Variants in KCNH1 observed in about 807,000 individuals in gnomAD.
KCNH1 encodes potassium voltage-gated channel subfamily H member 1, also known as voltage-gated delayed rectifier potassium channel KCNH1.
KCNH1 carries 27 observed loss-of-function variants against 69.2 expected under a neutral mutation model. That is an observed-to-expected ratio of 0.39 (90% CI 0.29 to 0.54). The LOEUF is 0.54. KCNH1 is among the 20% of genes least tolerant of loss of function. The pLI is 0.68. For missense variants in KCNH1, 798 were observed against 1,261.6 expected (o/e 0.63, Z 5.57); for synonymous variants, 456 against 487.7 (o/e 0.93, Z 0.86).
intron 7 of KCNH1, among the ~76,000 whole-genome samples, chr1:210,806,834 A>T (rs201135828): frequency 0.55 from 36,089 of 66,028 alleles, 9,842 homozygotes; most frequent in East Asian, 0.7. Context: ...AAAAAAAAAA[A>T]AAATATATAT....
intron 6 of KCNH1, among the ~76,000 whole-genome samples, chr1:210,955,205 T>C (rs1337134237): frequency 6.6e-6 from 1 of 152,152 alleles, no homozygotes; most frequent in African/African-American, 2.4e-5. Context: ...AAAGATCAGA[T>C]GGTTATAGAT....
intron 5 of KCNH1, among the ~76,000 whole-genome samples, chr1:211,065,606 A>G (rs1360333851): frequency 1.3e-5 from 2 of 152,218 alleles, no homozygotes; most frequent in Non-Finnish European, 2.9e-5. Context: ...TTGTATCCTT[A>G]AAAATTGCTG....
In KCNH1 at chr1:210,727,909, CAA is replaced by C. The variant is rs1424944256; in HGVS notation, c.2113-43773_2113-43772del. Among the ~76,000 whole-genome samples, 3 of 152,222 alleles carry C rather than the reference CAA, an allele frequency of 2.0e-5. No individual in the cohort carries two copies. In the East Asian group the frequency reaches 5.8e-4, roughly 29 times the overall value. ...CAAGGGATCTCAGTAATCCTCCAAA[CAA>C]AAGAGACTGATCTAAACTACAAAGC... On this transcript the variant is annotated intron_variant, in intron 10 of 10. Transcript: ENST00000271751.
chr1:211,048,782 A>G (rs1041509698), intron 5 of KCNH1, among the ~76,000 whole-genome samples: 1 of 152,162 alleles, frequency 6.6e-6, no homozygotes, highest in Non-Finnish European at 1.5e-5. Context: ...CTCAGAAATC[A>G]CCACTAAAGA....
intron 6 of KCNH1, among the ~76,000 whole-genome samples, chr1:210,940,920 A>C (rs1182063996): frequency 6.6e-6 from 1 of 152,192 alleles, no homozygotes; most frequent in Non-Finnish European, 1.5e-5. Context: ...CCACGCCCTT[A>C]ATTTGCTTTA....
chr1:211,026,471 G>T (rs1689687178), intron 5 of KCNH1, among the ~76,000 whole-genome samples: 1 of 151,310 alleles, frequency 6.6e-6, no homozygotes, highest in Non-Finnish European at 1.5e-5. Context: ...ACAGAAAGCT[G>T]TTAGATAATA....
chr1:210,765,162 A>C (rs1280980572), intron 10 of KCNH1, among the ~76,000 whole-genome samples: 1 of 152,196 alleles, frequency 6.6e-6, no homozygotes, highest in Non-Finnish European at 1.5e-5. Context: ...CATTGAGTAC[A>C]CATGGACACA....
intron 6 of KCNH1, among the ~76,000 whole-genome samples, chr1:210,997,294 A>C (rs1689068237): frequency 6.6e-6 from 1 of 152,356 alleles, no homozygotes; most frequent in African/African-American, 2.4e-5. Context: ...AAACTAGAAT[A>C]ACCAACGCAG....
chr1:210,998,289 T>C (rs1344144957), intron 6 of KCNH1, among the ~76,000 whole-genome samples: 1 of 152,038 alleles, frequency 6.6e-6, no homozygotes, highest in African/African-American at 2.4e-5. Flanking sequence ...GAGACACACA[T>C]AGGCTCAAAA....
chr1:210,972,576 C>G (rs1688530119), intron 6 of KCNH1, among the ~76,000 whole-genome samples: 1 of 152,102 alleles, frequency 6.6e-6, no homozygotes, highest in Non-Finnish European at 1.5e-5. Flanking sequence ...CTGATGAAGA[C>G]AATCATTGTA....
chr1:210,930,705 AG>A (rs1687664989), intron 6 of KCNH1, among the ~76,000 whole-genome samples: 2 of 152,364 alleles, frequency 1.3e-5, no homozygotes, highest in African/African-American at 4.8e-5. Context: ...TAAACTAAAA[AG>A]CTTCTGCACA....
intron 10 of KCNH1, among the ~76,000 whole-genome samples, chr1:210,695,420 C>G (rs1206043869): frequency 6.6e-6 from 1 of 152,200 alleles, no homozygotes; most frequent in Non-Finnish European, 1.5e-5. Context: ...AGGACCTGGA[C>G]CATTTCTAAC....
intron 5 of KCNH1, among the ~76,000 whole-genome samples, chr1:211,060,164 T>C (rs889508815): frequency 6.6e-6 from 1 of 151,172 alleles, no homozygotes; most frequent in African/African-American, 2.4e-5. Flanking sequence ...AAGAAGAAAA[T>C]TGAAAAATTT....
chr1:211,011,973 C>T (rs1689403799), intron 6 of KCNH1, among the ~76,000 whole-genome samples: 1 of 152,150 alleles, frequency 6.6e-6, no homozygotes, highest in South Asian at 2.1e-4. Flanking sequence ...CAGACTCAGC[C>T]CCTGGCCACT....
At chr1:210,811,998 G>A (rs749983045) in intron 7 of KCNH1, among the ~76,000 whole-genome samples, 40 of 152,310 alleles carry the variant, frequency 2.6e-4, no homozygotes, top group Non-Finnish European at 4.6e-4. Flanking sequence ...GGTAGGTCAT[G>A]AGTGGGCCCT....
At chr1:210,765,351 A>T (rs1301533189) in intron 10 of KCNH1, among the ~76,000 whole-genome samples, 2 of 152,214 alleles carry the variant, frequency 1.3e-5, no homozygotes, top group Non-Finnish European at 2.9e-5. Flanking sequence ...AGCATCATGT[A>T]ATATACCCAT....
intron 10 of KCNH1, among the ~76,000 whole-genome samples, chr1:210,744,728 G>A (rs559740529): frequency 1.3e-5 from 2 of 152,250 alleles, no homozygotes; most frequent in African/African-American, 2.4e-5. Flanking sequence ...GATCTAGGGT[G>A]GGGTCATGAA....
At chr1:210,762,635 A>C (rs1366080358) in intron 10 of KCNH1, among the ~76,000 whole-genome samples, 1 of 152,072 alleles carries the variant, frequency 6.6e-6, no homozygotes, top group African/African-American at 2.4e-5. Flanking sequence ...GAAATTGATA[A>C]ATCTCTGGAA....
chr1:210,759,180 T>C, intron 10 of KCNH1, among the ~76,000 whole-genome samples: 2 of 85,120 alleles, frequency 2.3e-5, no homozygotes, highest in South Asian at 7.1e-4. Flanking sequence ...CACACACATA[T>C]TTTATATATA....
Sources: gnomAD v4.1 joint callset for allele counts (sites outside exome capture counted in the v4.1 genomes callset) on GRCh38, gnomAD v4.1.1 for gene constraint, MANE v1.5 for transcripts, NCBI Gene and HGNC (gene_info 2026-07-23, HGNC 2026-07-21) for gene names.